Variants in TAFA5 observed in about 807,000 individuals in gnomAD.
TAFA5 encodes the protein TAFA chemokine like family member 5.
Under a neutral mutation model 15.3 loss-of-function variants are expected in TAFA5, and 6 were observed. The ratio of observed to expected loss-of-function variants is 0.39; its 90% CI spans 0.21 to 0.77. The LOEUF (loss-of-function observed/expected upper bound fraction) is 0.77, where lower values mean the gene tolerates loss of function less well. TAFA5 is among the 30% of genes least tolerant of loss of function. TAFA5 has a pLI of 0.41. For synonymous variants in TAFA5, 103 were observed against 80.7 expected (o/e 1.28, Z -1.48); for missense variants, 161 against 193.1 (o/e 0.83, Z 0.98).
chr22:48,644,874 C>T (rs1365469954), intron 1 of TAFA5, among the ~76,000 whole-genome samples: 2 of 152,236 alleles, frequency 1.3e-5, no homozygotes, highest in African/African-American at 4.8e-5. Context: ...TCGGAGTCAC[C>T]TCCCTGCCAT....
At chr22:48,652,251 A>G (rs1228226156) in intron 2 of TAFA5, among the ~76,000 whole-genome samples, 2 of 152,216 alleles carry the variant, frequency 1.3e-5, no homozygotes, top group African/African-American at 2.4e-5. Flanking sequence ...GAGTGCGCCA[A>G]GGTCCCTAAG....
intron 3 of TAFA5, among the ~76,000 whole-genome samples, chr22:48,737,038 C>T (rs866014728): frequency 1.3e-5 from 2 of 152,266 alleles, no homozygotes; most frequent in South Asian, 2.1e-4. Context: ...GGCCCTGACC[C>T]GTCTCTCCCC....
At chr22:48,584,502 A>ACC (rs1462011475) in intron 1 of TAFA5, among the ~76,000 whole-genome samples, 1 of 113,694 alleles carries the variant, frequency 8.8e-6, no homozygotes, top group African/African-American at 2.8e-5. Context: ...CACAAAATAC[A>ACC]CCACACACAC....
intron 1 of TAFA5, among the ~76,000 whole-genome samples, chr22:48,518,835 A>G (rs1299225647): frequency 6.6e-6 from 1 of 152,206 alleles, no homozygotes; most frequent in Non-Finnish European, 1.5e-5. Context: ...AAGACACTTT[A>G]CACCCATGTG....
intron 1 of TAFA5, among the ~76,000 whole-genome samples, chr22:48,573,757 T>G (rs1923665436): frequency 6.6e-6 from 1 of 152,218 alleles, no homozygotes; most frequent in Non-Finnish European, 1.5e-5. Context: ...TCCTCTTTAA[T>G]TCTCTTTACA....
intron 1 of TAFA5, among the ~76,000 whole-genome samples, chr22:48,551,942 T>C (rs1448909970): frequency 6.6e-6 from 1 of 151,946 alleles, no homozygotes; most frequent in East Asian, 1.9e-4. Context: ...CTGGTGGGAG[T>C]TGGGAGCCCT....
chr22:48,560,293 C>T lies in TAFA5; in HGVS notation c.112+70589C>T, dbSNP rs534394086. The stretch of plus-strand genomic sequence containing the variant: ...TCAGGCTCCCGGCATTGGTGCACCC[C>T]GGCATTGGTGTGGCCACTGCACTGG... On this transcript the variant is annotated intron_variant, in intron 1 of 3. Coordinates refer to ENST00000402357, the MANE Select transcript of TAFA5 (RefSeq NM_001082967.3). The surrounding 1 kb of genome is among the most constrained non-coding windows in gnomAD (Gnocchi z 4.2). Among the ~76,000 whole-genome samples the T allele has an allele frequency of 9.8e-5, 15 of 152,318 alleles. No individual in the cohort carries two copies. The South Asian group carries it at 2.1e-3, about 21-fold the overall frequency.
intron 3 of TAFA5, among the ~76,000 whole-genome samples, chr22:48,710,768 C>T (rs1444578632): frequency 2.6e-5 from 4 of 152,224 alleles, no homozygotes; most frequent in African/African-American, 7.2e-5. Flanking sequence ...ACAATAGCTG[C>T]ACCTGTCCGG....
intron 2 of TAFA5, among the ~76,000 whole-genome samples, chr22:48,677,092 A>C (rs1927999689): frequency 6.6e-6 from 1 of 152,266 alleles, no homozygotes; most frequent in African/African-American, 2.4e-5. Flanking sequence ...ATCTGTATTA[A>C]GACACAATTA....
intron 1 of TAFA5, among the ~76,000 whole-genome samples, chr22:48,621,474 A>G (rs1397619711): frequency 6.6e-6 from 1 of 151,978 alleles, no homozygotes; most frequent in Non-Finnish European, 1.5e-5. Context: ...GTAGGTGCTC[A>G]TGGGCACTTC....
At chr22:48,539,110 G>A (rs926670029) in intron 1 of TAFA5, 1 of 257,958 alleles carries the variant, frequency 3.9e-6, no homozygotes, top group Non-Finnish European at 7.7e-6. Context: ...GCTGAATCCC[G>A]GGGAGAGAAG....
At chr22:48,668,702 C>T (rs1410128861) in intron 2 of TAFA5, among the ~76,000 whole-genome samples, 3 of 151,254 alleles carry the variant, frequency 2.0e-5, no homozygotes, top group South Asian at 2.1e-4. Flanking sequence ...CTCGGGGCCG[C>T]GTTTTCACTG....
rs557209615 is a variant in TAFA5 at position 48,659,994 on chromosome 22, C to G, written c.262+13248C>G. 2.6e-5 allele frequency among the ~76,000 whole-genome samples: 4 copies of G among 152,318 alleles called. No homozygotes were observed. The East Asian group carries it at 7.7e-4, about 29-fold the overall frequency. ...GAGGGGGGTGAGTGGGGTTGCCTCC[C>G]TGTTCCTCCCCTGCTCCGGGTGTGG... On this transcript the variant is annotated intron_variant, in intron 2 of 3. Coordinates refer to ENST00000402357, the MANE Select transcript of TAFA5 (RefSeq NM_001082967.3).
chr22:48,576,675 C>T (rs1440169774), intron 1 of TAFA5: 2 of 1,205,732 alleles, frequency 1.7e-6, no homozygotes, highest in African/African-American at 1.6e-5. Flanking sequence ...CCGCCGCGCT[C>T]GGCTGAGGCT....
In TAFA5 at chr22:48,571,834, C is replaced by T. The variant is rs143366919; in HGVS notation, c.113-74763C>T. On this transcript the variant is annotated intron_variant, in intron 1 of 3. Transcript: ENST00000402357. The stretch of plus-strand genomic sequence containing the variant: ...CCCTCTAGGTCTCAAATTTTCCATA[C>T]TTTTTCACCTTTCTATGTGCTCTCC... 3.5e-4 allele frequency among the ~76,000 whole-genome samples: 53 copies of T among 151,932 alleles called. 1 individual carries two copies. The highest frequency in any genetic ancestry group is 3.8e-4 in the Non-Finnish European group (26 of 67,990).
At chr22:48,741,133 A>G (rs559208216) in intron 3 of TAFA5, among the ~76,000 whole-genome samples, 21 of 152,282 alleles carry the variant, frequency 1.4e-4, no homozygotes, top group African/African-American at 4.8e-4. Context: ...GCACAGATGG[A>G]GAAAATGAGG....
intron 1 of TAFA5, among the ~76,000 whole-genome samples, chr22:48,553,857 A>C (rs1477177367): frequency 6.6e-6 from 1 of 152,068 alleles, no homozygotes. Context: ...AGAACTTGAC[A>C]GTGGAGGCTG....
At chr22:48,608,020 C>T (rs886999776) in intron 1 of TAFA5, among the ~76,000 whole-genome samples, 9 of 122,016 alleles carry the variant, frequency 7.4e-5, no homozygotes, top group Non-Finnish European at 1.7e-4. Flanking sequence ...GGAGGGAATT[C>T]TCACACCACG....
intron 2 of TAFA5, among the ~76,000 whole-genome samples, chr22:48,701,856 T>C (rs1263135769): frequency 6.6e-6 from 1 of 152,206 alleles, no homozygotes; most frequent in African/African-American, 2.4e-5. Flanking sequence ...CTCTGCGCTC[T>C]GCCCTCCTGG....
Sources: gnomAD v4.1 joint callset for allele counts (sites outside exome capture counted in the v4.1 genomes callset) on GRCh38, gnomAD v4.1.1 for gene constraint, Gnocchi (gnomAD v3.1) non-coding constraint, MANE v1.5 for transcripts, NCBI Gene and HGNC (gene_info 2026-07-23, HGNC 2026-07-21) for gene names.